The following SUGCT variants were observed in gnomAD, a reference collection of about 807,000 sequenced individuals.
SUGCT encodes succinyl-CoA:glutarate CoA-transferase.
In SUGCT, 41 loss-of-function variants were observed where a neutral mutation model predicts 55.0. The ratio of observed to expected loss-of-function variants is 0.74; its 90% CI spans 0.58 to 0.97. The LOEUF (loss-of-function observed/expected upper bound fraction) is 0.97. SUGCT is among the 50% of genes least tolerant of loss of function. SUGCT has a pLI of 0.00. For missense variants in SUGCT, 568 were observed against 547.8 expected, an observed-to-expected ratio of 1.04 and a Z score of -0.37; for synonymous variants, 187 against 200.4, an observed-to-expected ratio of 0.93 and a Z score of 0.56.
intron 12 of SUGCT, among the ~76,000 whole-genome samples, chr7:40,698,787 AG>A (rs986055845): frequency 5.3e-5 from 8 of 152,150 alleles, no homozygotes; most frequent in African/African-American, 1.7e-4. Flanking sequence ...ATAGATGAGA[AG>A]TGAGGTGGGT....
At chr7:41,004,062 T>A in the SUGCT span, among the ~76,000 whole-genome samples, 1 of 152,186 alleles carries the variant, frequency 6.6e-6, no homozygotes, top group African/African-American at 2.4e-5. Context: ...TTCTATTGCT[T>A]CCTGGATCGC....
At chr7:41,018,538 G>T in the SUGCT span, among the ~76,000 whole-genome samples, 43 of 152,288 alleles carry the variant, frequency 2.8e-4, no homozygotes, top group Non-Finnish European at 3.7e-4. Context: ...CCTTTATTTT[G>T]ACAATTACAC....
chr7:40,780,790 T>TA (rs1408568838), intron 13 of SUGCT, among the ~76,000 whole-genome samples: 3 of 130,172 alleles, frequency 2.3e-5, no homozygotes. Context: ...TTTTTTTTTT[T>TA]AATTTTGTTG....
the SUGCT span, among the ~76,000 whole-genome samples, chr7:40,894,783 T>A: frequency 6.6e-6 from 1 of 152,186 alleles, no homozygotes; most frequent in Non-Finnish European, 1.5e-5. Flanking sequence ...CCAGTCAGAA[T>A]GGCTATTATT....
chr7:40,648,494 T>C (rs1800629571), intron 12 of SUGCT, among the ~76,000 whole-genome samples: 1 of 152,338 alleles, frequency 6.6e-6, no homozygotes, highest in Middle Eastern at 3.4e-3. Flanking sequence ...CCCCAAAAGA[T>C]ACGTTGAAGT....
chr7:40,350,376 C>T (rs940982995), intron 9 of SUGCT, among the ~76,000 whole-genome samples: 8 of 151,064 alleles, frequency 5.3e-5, no homozygotes, highest in Admixed American at 2.6e-4. Flanking sequence ...TGCGGTGGCA[C>T]GATCTCAGTT....
chr7:40,143,880 A>C (rs1268789674), intron 1 of SUGCT, among the ~76,000 whole-genome samples: 1 of 152,204 alleles, frequency 6.6e-6, no homozygotes, highest in Non-Finnish European at 1.5e-5. Context: ...TGGCTTAGAA[A>C]AGGGGAAGAA....
At chr7:41,030,014 G>T in the SUGCT span, among the ~76,000 whole-genome samples, 1 of 152,140 alleles carries the variant, frequency 6.6e-6, no homozygotes, top group African/African-American at 2.4e-5. Context: ...CATACAGAAT[G>T]CAGCCTGTTC....
intron 12 of SUGCT, among the ~76,000 whole-genome samples, chr7:40,548,112 A>G (rs886661020): frequency 6.6e-6 from 1 of 150,984 alleles, no homozygotes; most frequent in Admixed American, 6.6e-5. Context: ...ACTGTTTCGC[A>G]TTCTTTACTT....
chr7:41,017,095 T>C, the SUGCT span, among the ~76,000 whole-genome samples: 8 of 152,380 alleles, frequency 5.3e-5, 1 homozygote, highest in South Asian at 1.0e-3. Flanking sequence ...ATTCTCTTTT[T>C]GCTTTCTTCC....
At chr7:40,454,891 G>A (rs1384473862) in intron 10 of SUGCT, among the ~76,000 whole-genome samples, 1 of 152,120 alleles carries the variant, frequency 6.6e-6, no homozygotes, top group Non-Finnish European at 1.5e-5. Flanking sequence ...GGTAAATGTT[G>A]TCAGAAGGGA....
At chr7:40,218,427 A>C (rs1477467703) in intron 6 of SUGCT, among the ~76,000 whole-genome samples, 2 of 152,230 alleles carry the variant, frequency 1.3e-5, no homozygotes, top group African/African-American at 4.8e-5. Flanking sequence ...CAATTATAAA[A>C]GTTAGGTGAC....
At chr7:40,314,628 G>A (rs1046923174) in intron 8 of SUGCT, among the ~76,000 whole-genome samples, 2 of 146,852 alleles carry the variant, frequency 1.4e-5, no homozygotes, top group African/African-American at 5.0e-5. Flanking sequence ...GCAGTGGCAC[G>A]ATCTCAGCTC....
chr7:40,172,667 C>A (rs1471663750), intron 1 of SUGCT, among the ~76,000 whole-genome samples: 1 of 152,160 alleles, frequency 6.6e-6, no homozygotes, highest in Non-Finnish European at 1.5e-5. Context: ...AGACTTCTGG[C>A]TGCACCATGA....
chr7:40,943,366 G>C, the SUGCT span, among the ~76,000 whole-genome samples: 86 of 149,428 alleles, frequency 5.8e-4, no homozygotes, highest in Middle Eastern at 3.4e-3. Context: ...TGCCATGCTG[G>C]TGTGCCGCAC....
intron 6 of SUGCT, among the ~76,000 whole-genome samples, chr7:40,210,962 C>A (rs1787302056): frequency 6.6e-6 from 1 of 152,118 alleles, no homozygotes; most frequent in Admixed American, 6.6e-5. Context: ...ATTGAACATA[C>A]TGACATATTA....
At chr7:40,891,900 C>T in the SUGCT span, among the ~76,000 whole-genome samples, 9 of 151,748 alleles carry the variant, frequency 5.9e-5, no homozygotes, top group Non-Finnish European at 1.3e-4. Context: ...CCCAGCTACT[C>T]GGGAGGCTGA....
chr7:40,802,331 CCA>C (rs375175560), intron 13 of SUGCT, among the ~76,000 whole-genome samples: 27 of 150,650 alleles, frequency 1.8e-4, no homozygotes, highest in Admixed American at 3.3e-4. Flanking sequence ...CACGCACACA[CCA>C]CACACACACA....
chr7:40,311,701 G>T (rs1395011647), intron 8 of SUGCT, among the ~76,000 whole-genome samples: 1 of 151,926 alleles, frequency 6.6e-6, no homozygotes, highest in Non-Finnish European at 1.5e-5. Context: ...TCTTTGTTTA[G>T]TTATTTTCTT....
Sources: gnomAD v4.1 joint callset for allele counts (sites outside exome capture counted in the v4.1 genomes callset) on GRCh38, gnomAD v4.1.1 for gene constraint, MANE v1.5 for transcripts, NCBI Gene and HGNC (gene_info 2026-07-23, HGNC 2026-07-21) for gene names.